The following DGKZ variants were observed in gnomAD, a reference collection of about 807,000 sequenced individuals.
DGKZ encodes diacylglycerol kinase zeta.
DGKZ carries 45 observed loss-of-function variants against 142.5 expected under a neutral mutation model. The ratio of observed to expected loss-of-function variants is 0.32; its 90% CI spans 0.25 to 0.40. The LOEUF (loss-of-function observed/expected upper bound fraction) is 0.40, where lower values mean the gene tolerates loss of function less well. Ranked by LOEUF, DGKZ falls within the 10% of genes least tolerant of loss-of-function variation. The probability of loss-of-function intolerance (pLI) is 1.00; values close to 1 mark genes in which losing one functional copy is unlikely to be tolerated. For missense variants in DGKZ, 755 were observed against 1,306.5 expected (o/e 0.58, Z 6.51); for synonymous variants, 442 against 527.0 (o/e 0.84, Z 2.21).
exon 19 of DGKZ, chr11:46,374,964 C>T (rs769903759): frequency 1.9e-6 from 3 of 1,611,986 alleles, no homozygotes; most frequent in South Asian, 1.1e-5. Context: ...CCTGGGGCCA[C>T]CCTGGGGAGC....
intron 1 of DGKZ, among the ~76,000 whole-genome samples, chr11:46,350,740 GTC>G (rs1192206183): frequency 6.6e-6 from 1 of 152,184 alleles, no homozygotes; most frequent in African/African-American, 2.4e-5. Flanking sequence ...GGGTAGGACA[GTC>G]TCTGAATGGC....
intron 1 of DGKZ, among the ~76,000 whole-genome samples, chr11:46,340,457 T>A (rs963922931): frequency 6.6e-6 from 1 of 152,140 alleles, no homozygotes; most frequent in Non-Finnish European, 1.5e-5. Flanking sequence ...GGCTCCTCTC[T>A]CACCTCCAAT....
chr11:46,365,295 C>G (rs1943120905), intron 1 of DGKZ: 5 of 985,408 alleles, frequency 5.1e-6, no homozygotes, highest in Non-Finnish European at 6.0e-6. Context: ...CAGGCTCCAT[C>G]AGGAGCAGAG....
chr11:46,364,305 T>C, intron 1 of DGKZ: 16 of 1,199,046 alleles, frequency 1.3e-5, no homozygotes, highest in Non-Finnish European at 1.8e-5. Flanking sequence ...TTCCTTGGGG[T>C]TGCAGTTTAT....
At chr11:46,347,222 T>C (rs552199935), upstream of DGKZ, among the ~76,000 whole-genome samples, 1 of 152,114 alleles carries the variant, frequency 6.6e-6, no homozygotes, top group East Asian at 1.9e-4. The surrounding 1 kb of genome is among the most constrained non-coding windows in gnomAD (Gnocchi z 6.4). Flanking sequence ...GCAGTGCGAG[T>C]GTGCCAGGCC....
upstream of DGKZ, among the ~76,000 whole-genome samples, chr11:46,343,156 G>A (rs913119951): frequency 5.3e-5 from 8 of 151,942 alleles, no homozygotes; most frequent in African/African-American, 1.7e-4. Context: ...AAAAAAGGAG[G>A]AAAATAACAA....
chr11:46,374,088 C>T, intron 14 of DGKZ, 69 bp from the exon 15 acceptor site: 3 of 1,566,184 alleles, frequency 1.9e-6, no homozygotes, highest in Non-Finnish European at 1.8e-6. Context: ...GGCTCGGCCA[C>T]ACGAGGCCCC....
intron 5 of DGKZ, 86 bp downstream of exon 5, chr11:46,369,636 G>A: frequency 2.0e-6 from 3 of 1,537,456 alleles, no homozygotes; most frequent in Non-Finnish European, 2.7e-6. Context: ...GCCACCAGGG[G>A]GCTCGGCTCC....
intron 1 of DGKZ, among the ~76,000 whole-genome samples, chr11:46,359,148 A>T (rs1037242087): frequency 6.6e-6 from 1 of 151,014 alleles, no homozygotes; most frequent in Non-Finnish European, 1.5e-5. Flanking sequence ...TCAAAAAAAA[A>T]ATAATAAAAT....
rs1472642444 is a variant in DGKZ, at chr11:46,375,926, C to T, written c.1986C>T (p.Tyr662=). 5.0e-6 allele frequency: 8 copies of T among 1,604,050 alleles called. No homozygotes were observed. The highest frequency in any genetic ancestry group is 4.0e-5 in the African/African-American group (3 of 74,734). The change falls in exon 21 of 31, where the codon TAC becomes TAT. Residue 662 remains tyrosine (Y), a synonymous_variant. Transcript: ENST00000527911. ...TGCACGACTATGAGGCCCTGCACTA[C>T]GACAAGGAGCAGCTCAAGGAGGCCT...
chr11:46,368,993 G>A (rs921724008), intron 4 of DGKZ: 6 of 204,648 alleles, frequency 2.9e-5, no homozygotes, highest in African/African-American at 1.4e-4. Flanking sequence ...ATCACCCTGA[G>A]GTCAGGAGTT....
chr11:46,345,815 G>A (rs1940556479), upstream of DGKZ, among the ~76,000 whole-genome samples: 1 of 152,170 alleles, frequency 6.6e-6, no homozygotes, highest in Non-Finnish European at 1.5e-5. The surrounding 1 kb of genome is among the most constrained non-coding windows in gnomAD (Gnocchi z 4.1). Flanking sequence ...GCTAGCAGTG[G>A]GGGGATCTGG....
At chr11:46,370,122 G>A (rs1943784300) in intron 6 of DGKZ, 113 bp downstream of exon 6, 7 of 1,352,686 alleles carry the variant, frequency 5.2e-6, no homozygotes, top group Non-Finnish European at 7.4e-6. Context: ...CAGAGTCCGG[G>A]GCTGACCCTC....
chr11:46,340,164 T>C (rs895522435), intron 1 of DGKZ, among the ~76,000 whole-genome samples: 6 of 152,278 alleles, frequency 3.9e-5, no homozygotes, highest in African/African-American at 9.6e-5. Flanking sequence ...AAGCCCTTTT[T>C]ACTCTGTCAG....
At position 46,365,000 on chromosome 11, in the gene DGKZ, C is replaced by T. The variant is rs1943091207; in HGVS notation, c.162-2291C>T. On this transcript the variant is annotated intron_variant, in intron 1 of 30. Transcript: ENST00000527911. ...GGCCTCAGGTACCTGGAGGCATCGC[C>T]AGCCTGATCCATGCCAGGCAGGCTG... 7 of 985,344 alleles carry T rather than the reference C, an allele frequency of 7.1e-6. No homozygotes were observed. The African/African-American group carries it at 1.2e-4, about 17-fold the overall frequency. 61.0% of individuals were successfully genotyped at this position (985,344 alleles called of 1,614,324 possible).
At chr11:46,344,286 G>A (rs1940426119), upstream of DGKZ, among the ~76,000 whole-genome samples, 1 of 152,004 alleles carries the variant, frequency 6.6e-6, no homozygotes, top group Non-Finnish European at 1.5e-5. Flanking sequence ...TTCCCCACTA[G>A]AATCTAAGCT....
chr11:46,358,720 T>G (rs1300482177), intron 1 of DGKZ, among the ~76,000 whole-genome samples: 1 of 152,204 alleles, frequency 6.6e-6, no homozygotes, highest in African/African-American at 2.4e-5. Flanking sequence ...ATGATAAAAT[T>G]TGAGCTTTTG....
chr11:46,369,529 A>G, exon 5 of DGKZ: 4 of 1,613,344 alleles, frequency 2.5e-6, no homozygotes, highest in Non-Finnish European at 3.4e-6. Flanking sequence ...TCCGTGAATC[A>G]GGCTCCAGGA....
chr11:46,379,597 G>A (rs764474727), intron 30 of DGKZ, 29 bp downstream of exon 30: 3 of 1,571,812 alleles, frequency 1.9e-6, no homozygotes, highest in Admixed American at 1.8e-5. Context: ...GGGAGCCCAC[G>A]AGGGCACCAA....
Sources: gnomAD v4.1 joint callset for allele counts (sites outside exome capture counted in the v4.1 genomes callset) on GRCh38, gnomAD v4.1.1 for gene constraint, Gnocchi (gnomAD v3.1) non-coding constraint, MANE v1.5 for transcripts, NCBI Gene and HGNC (gene_info 2026-07-23, HGNC 2026-07-21) for gene names.